VWA8: variants seen among roughly 807,000 people sequenced by gnomAD.
VWA8 encodes the protein von Willebrand factor A domain-containing protein 8.
VWA8 carries 221 observed loss-of-function variants against 241.5 expected under a neutral mutation model. That is an observed-to-expected ratio of 0.91 (90% confidence interval 0.82 to 1.02). The LOEUF is 1.02. VWA8 is among the 50% of genes least tolerant of loss of function. VWA8 has a pLI of 0.00. For synonymous variants in VWA8, 852 were observed against 827.1 expected (o/e 1.03, Z -0.52); for missense variants, 2,322 against 2,328.7 (o/e 1.00, Z 0.06).
At chr13:41,857,177 T>A (rs144917899) in intron 12 of VWA8, among the ~76,000 whole-genome samples, 33 of 152,300 alleles carry the variant, frequency 2.2e-4, no homozygotes, top group South Asian at 1.2e-3. Flanking sequence ...TTTTTAAATG[T>A]GATAAGGGAA....
chr13:41,877,957 T>C lies in VWA8; in HGVS notation c.1080+5430A>G, dbSNP rs1030742593. On this transcript the variant is annotated intron_variant, in intron 9 of 44. Transcript: ENST00000379310. ...ATGAAAGTCATTCCAGCCACTTTTA[T>C]AGCTTGTTCAGAAAAAAGAAAGGTA... Among the ~76,000 whole-genome samples the C allele has an allele frequency of 3.3e-5, 5 of 152,114 alleles. No individual in the cohort carries two copies. The East Asian group carries it at 5.8e-4, about 18-fold the overall frequency.
chr13:41,605,404 G>T, intron 39 of VWA8, 128 bp from the exon 40 acceptor site: 1 of 837,926 alleles, frequency 1.2e-6, no homozygotes, highest in Non-Finnish European at 1.9e-6. Context: ...AGGAGAAAAG[G>T]CAAGAAGTGA....
chr13:41,667,120 T>G (rs2044991904), intron 37 of VWA8, among the ~76,000 whole-genome samples: 1 of 152,154 alleles, frequency 6.6e-6, no homozygotes, highest in South Asian at 2.1e-4. Context: ...GCATGTAAAT[T>G]TACTAATAGT....
chr13:41,896,867 G>A (rs868351029), intron 4 of VWA8, among the ~76,000 whole-genome samples: 25 of 152,116 alleles, frequency 1.6e-4, no homozygotes, highest in African/African-American at 5.8e-4. Flanking sequence ...AATGTAAATG[G>A]CTATGTTATT....
chr13:41,898,605 T>C (rs1159398411), intron 4 of VWA8, among the ~76,000 whole-genome samples: 5 of 152,218 alleles, frequency 3.3e-5, no homozygotes, highest in African/African-American at 1.2e-4. Flanking sequence ...GGGTGGTCGA[T>C]GGGACTGGGC....
At chr13:41,893,863 G>A (rs529330896) in intron 4 of VWA8, among the ~76,000 whole-genome samples, 89 of 152,238 alleles carry the variant, frequency 5.8e-4, no homozygotes, top group African/African-American at 1.1e-3. Context: ...CAGCCTGGGC[G>A]ACAGAGCAAG....
intron 18 of VWA8, among the ~76,000 whole-genome samples, chr13:41,785,512 C>G (rs1409818534): frequency 2.0e-5 from 3 of 151,808 alleles, no homozygotes; most frequent in Non-Finnish European, 1.5e-5. Context: ...TAGAATGCGA[C>G]TTTTGTGCTA....
intron 37 of VWA8, among the ~76,000 whole-genome samples, chr13:41,657,550 C>T (rs1226847345): frequency 1.3e-5 from 2 of 149,650 alleles, no homozygotes; most frequent in Middle Eastern, 3.5e-3. Context: ...ACTGCAGTGG[C>T]ACAATCTCGG....
intron 9 of VWA8, among the ~76,000 whole-genome samples, chr13:41,876,570 T>C (rs1190510951): frequency 6.6e-6 from 1 of 152,136 alleles, no homozygotes; most frequent in Non-Finnish European, 1.5e-5. Flanking sequence ...ATTGATATAT[T>C]ATATACTTAT....
chr13:41,723,703 A>G (rs1466733455), intron 24 of VWA8, among the ~76,000 whole-genome samples: 1 of 152,194 alleles, frequency 6.6e-6, no homozygotes, highest in Non-Finnish European at 1.5e-5. Flanking sequence ...AGAGATTTAC[A>G]AAAGACTATA....
chr13:41,635,906 CTTA>C (rs906732074), intron 37 of VWA8, among the ~76,000 whole-genome samples: 1 of 152,086 alleles, frequency 6.6e-6, no homozygotes, highest in Admixed American at 6.6e-5. Context: ...TAAGTGATAG[CTTA>C]TTAATCCACA....
chr13:41,821,922 T>G (rs1294410123), intron 14 of VWA8, among the ~76,000 whole-genome samples: 2 of 151,902 alleles, frequency 1.3e-5, no homozygotes, highest in Non-Finnish European at 2.9e-5. Context: ...GCACACACTG[T>G]GTGATTCCGT....
chr13:41,918,481 T>C (rs1480569717), intron 2 of VWA8, among the ~76,000 whole-genome samples: 1 of 152,198 alleles, frequency 6.6e-6, no homozygotes, highest in East Asian at 1.9e-4. Context: ...TTGCTTGTGT[T>C]TGTATAGAAA....
At chr13:41,684,362 A>G (rs894486404) in intron 35 of VWA8, among the ~76,000 whole-genome samples, 1 of 151,294 alleles carries the variant, frequency 6.6e-6, no homozygotes, top group Non-Finnish European at 1.5e-5. Context: ...AAAAAAGTCA[A>G]TTAATCAATG....
chr13:41,609,673 C>T (rs780480500), intron 39 of VWA8, among the ~76,000 whole-genome samples: 10 of 152,062 alleles, frequency 6.6e-5, no homozygotes, highest in Non-Finnish European at 7.4e-5. Context: ...TAGAAAGCAA[C>T]ATCTTTCTCT....
chr13:41,857,757 T>C (rs1404962040), intron 12 of VWA8, among the ~76,000 whole-genome samples: 5 of 152,150 alleles, frequency 3.3e-5, no homozygotes, highest in Admixed American at 3.3e-4. Flanking sequence ...GGCACTGTGA[T>C]GGTTAATTTT....
At chr13:41,822,617 T>C (rs1381178497) in intron 14 of VWA8, among the ~76,000 whole-genome samples, 1 of 152,160 alleles carries the variant, frequency 6.6e-6, no homozygotes, top group African/African-American at 2.4e-5. Flanking sequence ...TAATAAGAAC[T>C]GAACTTATGG....
intron 37 of VWA8, among the ~76,000 whole-genome samples, chr13:41,664,292 T>C (rs1199769458): frequency 6.6e-6 from 1 of 152,058 alleles, no homozygotes; most frequent in East Asian, 1.9e-4. Flanking sequence ...TTTCTACCAC[T>C]TTTATATGAC....
chr13:41,799,266 T>G (rs1418108439), intron 17 of VWA8, among the ~76,000 whole-genome samples: 1 of 152,218 alleles, frequency 6.6e-6, no homozygotes. Flanking sequence ...TGTAAAAGTA[T>G]TTGCCACAGA....
Sources: gnomAD v4.1 joint callset for allele counts (sites outside exome capture counted in the v4.1 genomes callset) on GRCh38, gnomAD v4.1.1 for gene constraint, MANE v1.5 for transcripts, NCBI Gene and HGNC (gene_info 2026-07-23, HGNC 2026-07-21) for gene names.